Variants in DENND1C observed in about 807,000 individuals in gnomAD.
The protein encoded by DENND1C is DENN domain containing 1C.
A neutral mutation model predicts 87.9 loss-of-function variants in DENND1C; 64 were observed. That is an observed-to-expected ratio of 0.73 (90% CI 0.60 to 0.90). The LOEUF (loss-of-function observed/expected upper bound fraction) is 0.90. Among genes scored for constraint, DENND1C ranks in the 40% least tolerant of loss-of-function variants. The pLI, the probability that DENND1C is intolerant of heterozygous loss-of-function variation, is 0.00. For missense variants in DENND1C, 980 were observed against 1,037.0 expected (o/e 0.95, Z 0.76); for synonymous variants, 384 against 424.4 (o/e 0.90, Z 1.17).
At chr19:6,468,526 C>T (rs1424270605) in intron 21 of DENND1C, 52 bp downstream of exon 21, 4 of 1,557,658 alleles carry the variant, frequency 2.6e-6, no homozygotes, top group African/African-American at 1.4e-5. Context: ...ACCCTCCTCC[C>T]CATCAGTCCT....
In DENND1C at chr19:6,479,843, G is replaced by A. The variant is rs1480691204; in HGVS notation, c.126+16C>T. The A allele has an allele frequency of 6.2e-7, 1 of 1,612,308 alleles. No homozygotes were observed. The highest frequency in any genetic ancestry group is 8.5e-7 in the Non-Finnish European group (1 of 1,179,202). ...CTGGCCCTCGCCCTGGGGGAGCAAG[G>A]AGCCAGCCTGAATACCTGGTCCCTG... On this transcript the variant is annotated intron_variant, in intron 3 of 22. Coordinates refer to ENST00000381480, the MANE Select transcript of DENND1C (RefSeq NM_024898.4).
At position 6,468,930 on chromosome 19, in the gene DENND1C, C is replaced by T. The variant is rs746358321; in HGVS notation, c.1431G>A (p.Arg477=). 5 of 1,466,040 alleles carry T rather than the reference C, an allele frequency of 3.4e-6. No homozygotes were observed. The highest frequency in any genetic ancestry group is 3.1e-5 in the South Asian group (2 of 64,512). The allele number at this position is 1,466,040 out of a possible 1,614,324, so 90.8% of individuals were successfully genotyped here. Residue 477 remains arginine (R), a synonymous_variant, in exon 20 of 23, where the codon AGG becomes AGA. Coordinates refer to ENST00000381480, the MANE Select transcript of DENND1C (RefSeq NM_024898.4). ...MYKDGDSVLQ[R]GGSLRAPALP... ...GGGCTGGGGCCCTCAGAGAGCCCCC[C>T]CTCTGCAGGACAGAGTCCCCATCCT...
intron 10 of DENND1C, 33 bp downstream of exon 10, chr19:6,476,824 G>A: frequency 1.1e-5 from 18 of 1,595,112 alleles, no homozygotes; most frequent in Non-Finnish European, 1.3e-5. Flanking sequence ...GCCAGGCCCT[G>A]CTCCCACCCC....
chr19:6,469,990 C>G, intron 18 of DENND1C: 1 of 430,778 alleles, frequency 2.3e-6, no homozygotes, highest in East Asian at 3.9e-5. Context: ...AAGGCAGAAC[C>G]TGGAATTGTA....
In DENND1C at chr19:6,479,879, G is replaced by A. The variant is rs377613125; in HGVS notation, c.106C>T (p.Pro36Ser). ...QEDPPILRQFPPDFRDQEAMQ... is the reference protein window; with the variant it reads ...QEDPPILRQFSPDFRDQEAMQ... ...AATACCTGGTCCCTGAAGTCTGGAG[G>A]GAACTGCCGCAGGATGGGGGGATCT... Residue 36 changes from proline to serine, a missense_variant, in exon 3 of 23, where the codon CCT (proline) becomes TCT (serine). Transcript: ENST00000381480. 3 of 1,608,834 alleles carry A rather than the reference G, an allele frequency of 1.9e-6. No homozygotes were observed. Among genetic ancestry groups the A allele is most frequent in the Non-Finnish European group, 2.5e-6 (3 of 1,177,660 alleles).
rs1193451820 is a variant in DENND1C at position 6,468,599 on chromosome 19, G to A, written c.1562C>T (p.Thr521Ile). Residue 521 changes from threonine (T) to isoleucine (I), a missense_variant, in exon 21 of 23, where the codon ACT (threonine) becomes ATT (isoleucine). Coordinates refer to ENST00000381480, the MANE Select transcript of DENND1C (RefSeq NM_024898.4). ...PSRRRQLEEG[T>I]SEPPGAGTPP... ...TTACCCCGCCCCTGGGGGCTCGGAA[G>A]TTCCCTCTTCCAGCTGGCGTCTCCT... is the stretch of plus-strand genomic sequence containing the variant. 1 of 1,518,822 alleles carries A rather than the reference G, an allele frequency of 6.6e-7. No individual in the cohort carries two copies. The highest frequency in any genetic ancestry group is 1.3e-5 in the South Asian group (1 of 74,734). 94.1% of individuals were successfully genotyped at this position (1,518,822 alleles called of 1,614,324 possible).
At chr19:6,468,191 G>C (rs2092806418) in intron 22 of DENND1C, 43 bp downstream of exon 22, 1 of 1,612,230 alleles carries the variant, frequency 6.2e-7, no homozygotes, top group Non-Finnish European at 8.5e-7. Flanking sequence ...GACCATTAGG[G>C]GAAGACTTGG....
At chr19:6,469,544 A>G (rs2092816130) in intron 19 of DENND1C, 52 bp downstream of exon 19, 3 of 1,566,752 alleles carry the variant, frequency 1.9e-6, no homozygotes, top group Non-Finnish European at 8.7e-7. Context: ...TCGGCCTCCC[A>G]AAGTGCTGGG....
chr19:6,471,123 T>C, intron 17 of DENND1C, 142 bp downstream of exon 17: 1 of 1,197,340 alleles, frequency 8.4e-7, no homozygotes, highest in South Asian at 1.4e-5. Context: ...TTTTTTTTTT[T>C]TCAGTAGAGA....
rs1366058444 is a variant in DENND1C, at chr19:6,467,403, CAG to C, written c.*99_*100del. Reference sequence around the variant, plus strand: ...GAGGTGGGTGGGATGGATTTCCGAGCAGAGTGAGGGCACCAGAGAAATTCACC... The same window carrying C: ...GAGGTGGGTGGGATGGATTTCCGAGCAGTGAGGGCACCAGAGAAATTCACC... On this transcript the variant is annotated 3_prime_UTR_variant, in exon 23 of 23. Transcript: ENST00000381480. The C allele has an allele frequency of 3.7e-5, 51 of 1,396,894 alleles. No homozygotes were observed. Among genetic ancestry groups the C allele is most frequent in the Non-Finnish European group, 4.7e-5 (50 of 1,066,848 alleles). 86.5% of individuals were successfully genotyped at this position (1,396,894 alleles called of 1,614,324 possible). A position where few individuals can be genotyped will look rare whatever the true frequency, so the allele number is the denominator to read the frequency against.
In DENND1C at chr19:6,478,764, A is replaced by G. The variant is rs2092878089; in HGVS notation, c.366+19T>C. 6.2e-7 allele frequency: 1 copy of G among 1,606,092 alleles called. No individual in the cohort carries two copies. Among genetic ancestry groups the G allele is most frequent in the Non-Finnish European group, 8.5e-7 (1 of 1,176,092 alleles). On this transcript the variant is annotated intron_variant, in intron 6 of 22. Coordinates refer to ENST00000381480, the MANE Select transcript of DENND1C (RefSeq NM_024898.4). ...GGGGGCTGGGACTCCCACAGGAGTGAGAGAGGGGCTGGTCTCACTTGGTCC... is the reference window on the plus strand; with the variant it reads ...GGGGGCTGGGACTCCCACAGGAGTGGGAGAGGGGCTGGTCTCACTTGGTCC...
rs2092827596 is a variant in DENND1C at position 6,471,275 on chromosome 19, T to A, written c.1280A>T (p.Asp427Val). Residue 427 changes from aspartate (D) to valine (V), a missense_variant, in exon 17 of 23, where the codon GAC (aspartate) becomes GTC (valine). Asp to Val is a radical substitution (Grantham distance 152). Coordinates refer to ENST00000381480, the MANE Select transcript of DENND1C (RefSeq NM_024898.4). ...TTCTGGTGGTCTTACCTTTAGATTG[T>A]CGGCCCAGAGCTGATAGGATCGAAG... Reference protein sequence around the residue: ...GALRSYQLWADNLKKGGGALL... With the variant: ...GALRSYQLWAVNLKKGGGALL... 4 of 1,592,426 alleles carry A rather than the reference T, an allele frequency of 2.5e-6. No individual in the cohort carries two copies. Among genetic ancestry groups the A allele is most frequent in the Non-Finnish European group, 8.6e-7 (1 of 1,169,282 alleles).
In DENND1C at chr19:6,477,099, C is replaced by T; in HGVS notation, c.542G>A (p.Gly181Asp). 1 of 1,606,164 alleles carries T rather than the reference C, an allele frequency of 6.2e-7. No individual in the cohort carries two copies. Among genetic ancestry groups the T allele is most frequent in the Non-Finnish European group, 8.5e-7 (1 of 1,176,080 alleles). ...GTTCTCAGGGATGGATGGCAGGCGG[C>T]CGGAGTCCGGGGCCACGAAGCAGGA... ...PLSCFVAPDS[G>D]RLPSIPENRN... The change falls in exon 9 of 23, where the codon GGC (glycine) becomes GAC (aspartate). Residue 181 changes from glycine to aspartate, a missense_variant. Transcript: ENST00000381480.
chr19:6,467,942 C>A lies in DENND1C; in HGVS notation c.1968G>T (p.Gln656His). The change falls in exon 23 of 23, where the codon CAG (glutamine) becomes CAT (histidine). Residue 656 changes from glutamine (Q) to histidine (H), a missense_variant. Transcript: ENST00000381480. Reference sequence around the variant, plus strand: ...TTGGGTCTGCAGAAGCTGTTGAGGACTGGGATGGAGACGTGACTTCTTGGT... The same window carrying A: ...TTGGGTCTGCAGAAGCTGTTGAGGAATGGGATGGAGACGTGACTTCTTGGT... ...ESDQEVTSPSQSSTASADPSI... is the reference protein window; with the variant it reads ...ESDQEVTSPSHSSTASADPSI... 6.2e-7 allele frequency: 1 copy of A among 1,613,842 alleles called. No homozygotes were observed. Among genetic ancestry groups the A allele is most frequent in the Non-Finnish European group, 8.5e-7 (1 of 1,179,834 alleles).
At chr19:6,476,176 C>T (rs923860846) in intron 10 of DENND1C, 10 of 516,236 alleles carry the variant, frequency 1.9e-5, no homozygotes, top group Non-Finnish European at 3.1e-5. Context: ...GTAAGGGGCG[C>T]AGTTAATAGG....
rs201484154 is a variant in DENND1C, at chr19:6,468,319, A to G, written c.1706T>C (p.Met569Thr). 1.4e-4 allele frequency: 230 copies of G among 1,613,682 alleles called. No homozygotes were observed. The highest frequency in any genetic ancestry group is 1.8e-4 in the Non-Finnish European group (216 of 1,179,808). ...CAGGCTGCCTGCGCTCTTGGCTCCC[A>G]TGCTAAGACTGTCCAGAATCTCGCT... ...LLSEILDSLS[M>T]GAKSAGSLRP... Residue 569 changes from methionine to threonine, a missense_variant, in exon 22 of 23, where the codon ATG (methionine) becomes ACG (threonine). Physicochemically the swap from Met to Thr is moderately conservative, Grantham distance 81. Coordinates refer to ENST00000381480, the MANE Select transcript of DENND1C (RefSeq NM_024898.4).
chr19:6,469,902 G>T (rs1005373579), intron 18 of DENND1C: 8 of 523,162 alleles, frequency 1.5e-5, no homozygotes, highest in Non-Finnish European at 2.1e-5. Context: ...CTGTTTCAAA[G>T]CGGTGAAGAA....
intron 4 of DENND1C, 94 bp downstream of exon 4, chr19:6,479,575 G>C: frequency 6.6e-7 from 1 of 1,518,310 alleles, no homozygotes; most frequent in East Asian, 2.3e-5. Flanking sequence ...CGAGTGTATG[G>C]GTTTCCAGAT....
At position 6,475,575 on chromosome 19, in the gene DENND1C, T is replaced by G. The variant is rs1173692960; in HGVS notation, c.836A>C (p.Glu279Ala). Residue 279 changes from glutamate (E) to alanine (A), a missense_variant, in exon 13 of 23, where the codon GAA (glutamate) becomes GCA (alanine). Transcript: ENST00000381480. ...VHASLAERVREKALEDVVVLN... is the reference protein window; with the variant it reads ...VHASLAERVRAKALEDVVVLN... ...CACCACGACGTCCTCCAGGGCTTTT[T>G]CTCGTACTCTCTGCGGAAAAGCGGG... is the stretch of plus-strand genomic sequence containing the variant. The G allele has an allele frequency of 6.2e-7, 1 of 1,613,972 alleles. No individual in the cohort carries two copies. Among genetic ancestry groups the G allele is most frequent in the Admixed American group, 1.7e-5 (1 of 60,030 alleles).
Sources: gnomAD v4.1 joint callset for allele counts on GRCh38, gnomAD v4.1.1 for gene constraint, MANE v1.5 for transcripts, NCBI Gene and HGNC (gene_info 2026-07-23, HGNC 2026-07-21) for gene names.